The following TRERF1 variants were observed in gnomAD, a reference collection of about 807,000 sequenced individuals.
TRERF1 encodes transcriptional-regulating factor 1.
In TRERF1, 27 loss-of-function variants were observed where a neutral mutation model predicts 122.9. That is an observed-to-expected ratio of 0.22 (90% CI 0.16 to 0.30). The LOEUF is 0.30. Ranked by LOEUF, TRERF1 falls within the 10% of genes least tolerant of loss-of-function variation. The pLI is 1.00. For synonymous variants in TRERF1, 636 were observed against 641.7 expected, an observed-to-expected ratio of 0.99 and a Z score of 0.13; for missense variants, 1,248 against 1,560.3, an observed-to-expected ratio of 0.80 and a Z score of 3.37.
chr6:42,384,533 TG>T (rs1424144638), intron 2 of TRERF1, among the ~76,000 whole-genome samples: 8 of 152,184 alleles, frequency 5.3e-5, no homozygotes, highest in Non-Finnish European at 1.2e-4. Context: ...AATGGGTAGC[TG>T]GGGGCAGAAA....
chr6:42,372,491 G>C (rs1288478130), intron 2 of TRERF1, among the ~76,000 whole-genome samples: 1 of 152,016 alleles, frequency 6.6e-6, no homozygotes, highest in Admixed American at 6.6e-5. Context: ...CCAGTCTCTG[G>C]GTGCTGTATC....
intron 4 of TRERF1, among the ~76,000 whole-genome samples, chr6:42,272,702 CCT>C (rs759700695): frequency 1.3e-5 from 2 of 152,224 alleles, no homozygotes. Context: ...AGAAACATTC[CCT>C]GTCTTGCCAG....
intron 2 of TRERF1, among the ~76,000 whole-genome samples, chr6:42,400,985 G>C (rs1779298211): frequency 6.6e-6 from 1 of 152,192 alleles, no homozygotes; most frequent in Non-Finnish European, 1.5e-5. Flanking sequence ...TGCTTCACTG[G>C]CCAGAGAAAG....
intron 12 of TRERF1, 107 bp downstream of exon 12, chr6:42,256,621 G>T: frequency 1.1e-6 from 1 of 902,008 alleles, no homozygotes. Flanking sequence ...TGGTCATCAT[G>T]CGCCGATTGG....
chr6:42,357,835 G>A (rs1359204616), intron 3 of TRERF1, among the ~76,000 whole-genome samples: 1 of 152,180 alleles, frequency 6.6e-6, no homozygotes, highest in Non-Finnish European at 1.5e-5. Flanking sequence ...AATGAGTAAT[G>A]TTTAGTTAAG....
At chr6:42,288,081 G>A (rs534362953) in intron 4 of TRERF1, among the ~76,000 whole-genome samples, 2 of 151,972 alleles carry the variant, frequency 1.3e-5, no homozygotes, top group African/African-American at 2.4e-5. Context: ...TGTCTTTCAC[G>A]AAGTCTTCCC....
At chr6:42,348,410 T>C (rs369288187) in intron 3 of TRERF1, among the ~76,000 whole-genome samples, 3 of 152,118 alleles carry the variant, frequency 2.0e-5, no homozygotes, top group South Asian at 4.1e-4. Context: ...TGCGCCACCA[T>C]GCCCAGCTAA....
At chr6:42,305,331 C>A (rs553631991) in intron 3 of TRERF1, among the ~76,000 whole-genome samples, 3 of 152,272 alleles carry the variant, frequency 2.0e-5, no homozygotes, top group Non-Finnish European at 2.9e-5. Context: ...TCCACCATGC[C>A]ACCAAGCAAG....
chr6:42,244,053 C>G (rs112455143), intron 14 of TRERF1, among the ~76,000 whole-genome samples: 3,646 of 150,048 alleles, frequency 0.024, 144 homozygotes, highest in African/African-American at 0.084. Context: ...TCATTTTTTT[C>G]TATTTTTAGT....
chr6:42,388,066 C>G (rs1320685853), intron 2 of TRERF1, among the ~76,000 whole-genome samples: 4 of 152,092 alleles, frequency 2.6e-5, no homozygotes, highest in Non-Finnish European at 5.9e-5. Context: ...GGATTACAGG[C>G]ATAAGCCACT....
At chr6:42,246,043 G>T (rs1172246564) in intron 14 of TRERF1, among the ~76,000 whole-genome samples, 1 of 152,214 alleles carries the variant, frequency 6.6e-6, no homozygotes, top group African/African-American at 2.4e-5. Flanking sequence ...GGGAGGTGGA[G>T]GCTGCAGTGA....
chr6:42,426,636 C>T (rs1267525924), intron 2 of TRERF1, among the ~76,000 whole-genome samples: 1 of 152,212 alleles, frequency 6.6e-6, no homozygotes, highest in Non-Finnish European at 1.5e-5. Flanking sequence ...GACCAGGGAT[C>T]AGCAAATATG....
intron 4 of TRERF1, among the ~76,000 whole-genome samples, chr6:42,298,124 G>T (rs1225151863): frequency 1.3e-5 from 2 of 151,926 alleles, no homozygotes; most frequent in Non-Finnish European, 2.9e-5. Context: ...TAGTTAAATA[G>T]AAGATAGTTG....
intron 2 of TRERF1, among the ~76,000 whole-genome samples, chr6:42,425,358 A>C (rs442021): frequency 0.99 from 148,467 of 149,752 alleles, 73,606 homozygotes; most frequent in Non-Finnish European, 1. Flanking sequence ...ACAGCCCCCA[A>C]CCAACCCCCT....
At chr6:42,407,800 G>A (rs1309103152) in intron 2 of TRERF1, among the ~76,000 whole-genome samples, 2 of 151,112 alleles carry the variant, frequency 1.3e-5, no homozygotes, top group African/African-American at 4.9e-5. Context: ...CATCAAATAA[G>A]CCCTATACCT....
chr6:42,280,596 C>T (rs13192360), intron 4 of TRERF1, among the ~76,000 whole-genome samples: 1 of 152,162 alleles, frequency 6.6e-6, no homozygotes, highest in East Asian at 1.9e-4. Context: ...CCGTGCCTGA[C>T]GACATCTCCC....
chr6:42,259,538 C>T lies in TRERF1; in HGVS notation c.2070G>A (p.Pro690=), dbSNP rs780688413. 15 of 1,613,410 alleles carry T rather than the reference C, an allele frequency of 9.3e-6. No homozygotes were observed. The highest frequency in any genetic ancestry group is 4.5e-5 in the East Asian group (2 of 44,864). Residue 690 remains proline, a synonymous_variant, in exon 9 of 18, where the codon CCG becomes CCA. Transcript: ENST00000372922. This position sits in a 1 kb window ranked among gnomAD's most constrained non-coding sequence, Gnocchi z 4.9. ...GGAGCAGGTGGTCCCCGAGGACGCGCGGGGAGCGCAGCTGGCTCTGGTACA... is the reference window on the plus strand; with the variant it reads ...GGAGCAGGTGGTCCCCGAGGACGCGTGGGGAGCGCAGCTGGCTCTGGTACA...
chr6:42,396,176 G>A (rs182080765), intron 2 of TRERF1, among the ~76,000 whole-genome samples: 2 of 152,302 alleles, frequency 1.3e-5, no homozygotes, highest in African/African-American at 2.4e-5. Context: ...AGAAAAAGGA[G>A]ATGTAGAGGA....
At chr6:42,415,401 G>T (rs1468250012) in intron 2 of TRERF1, among the ~76,000 whole-genome samples, 1 of 152,136 alleles carries the variant, frequency 6.6e-6, no homozygotes, top group Non-Finnish European at 1.5e-5. Flanking sequence ...GTTGTCAAAT[G>T]TATCAGTCTT....
Sources: gnomAD v4.1 joint callset for allele counts (sites outside exome capture counted in the v4.1 genomes callset) on GRCh38, gnomAD v4.1.1 for gene constraint, Gnocchi (gnomAD v3.1) non-coding constraint, MANE v1.5 for transcripts, NCBI Gene and HGNC (gene_info 2026-07-23, HGNC 2026-07-21) for gene names.